The following CDH19 variants were observed in gnomAD, a reference collection of about 807,000 sequenced individuals.
CDH19 encodes the protein cadherin 19.
A neutral mutation model predicts 64.2 loss-of-function variants in CDH19; 67 were observed. The ratio of observed to expected loss-of-function variants is 1.04; its 90% CI spans 0.86 to 1.28. The LOEUF (loss-of-function observed/expected upper bound fraction) is 1.28, where lower values mean the gene tolerates loss of function less well. CDH19 is among the 50% of genes most tolerant of loss of function. The pLI, the probability that CDH19 is intolerant of heterozygous loss-of-function variation, is 0.00. For synonymous variants in CDH19, 346 were observed against 319.3 expected (o/e 1.08, Z -0.89); for missense variants, 1,030 against 929.0 (o/e 1.11, Z -1.41).
At chr18:66,603,255 C>A (rs1989081497) in intron 1 of CDH19, among the ~76,000 whole-genome samples, 1 of 150,520 alleles carries the variant, frequency 6.6e-6, no homozygotes, top group Admixed American at 6.6e-5. Context: ...ATTGCATGTA[C>A]CAAATTAGAA....
intron 9 of CDH19, among the ~76,000 whole-genome samples, chr18:66,524,520 A>G (rs1474084223): frequency 7.3e-6 from 1 of 136,840 alleles, no homozygotes; most frequent in Non-Finnish European, 1.6e-5. Context: ...CCATTTCACA[A>G]TATATGCGTG....
chr18:66,504,821 T>C lies in CDH19; in HGVS notation c.2310A>G (p.Ser770=), dbSNP rs1363120066. ...TTGATGGTAAAAAGCCCTAATTATT[T>C]GACTGCACTGCAGAACCAAACATGC... ...LACMFGSAVQ[S]NN Residue 770 remains serine (S), a synonymous_variant, in exon 12 of 12, where the codon TCA becomes TCG. Transcript: ENST00000262150. 1.6e-5 allele frequency: 26 copies of C among 1,594,688 alleles called. No homozygotes were observed. Among genetic ancestry groups the C allele is most frequent in the Non-Finnish European group, 2.1e-5 (25 of 1,166,150 alleles).
intron 9 of CDH19, among the ~76,000 whole-genome samples, chr18:66,516,081 G>C (rs1010699246): frequency 1.3e-5 from 2 of 152,044 alleles, no homozygotes; most frequent in Admixed American, 6.6e-5. Flanking sequence ...CCTTGTATCT[G>C]TGCTGAAATT....
chr18:66,593,860 T>C (rs908266200), intron 1 of CDH19, among the ~76,000 whole-genome samples: 6 of 152,070 alleles, frequency 3.9e-5, no homozygotes, highest in Non-Finnish European at 8.8e-5. Flanking sequence ...CAATTCAAAG[T>C]AGTCTTTCAA....
At chr18:66,601,537 T>C (rs963124579) in intron 1 of CDH19, among the ~76,000 whole-genome samples, 5 of 151,992 alleles carry the variant, frequency 3.3e-5, no homozygotes, top group Middle Eastern at 3.2e-3. Context: ...AAATTTCACG[T>C]GTTGTGCCAA....
At chr18:66,511,907 C>G (rs1174236110) in intron 9 of CDH19, among the ~76,000 whole-genome samples, 1 of 151,532 alleles carries the variant, frequency 6.6e-6, no homozygotes, top group African/African-American at 2.4e-5. Context: ...ACATAATAAA[C>G]AAACTCTTGT....
intron 8 of CDH19, among the ~76,000 whole-genome samples, chr18:66,533,337 C>T (rs1986531017): frequency 6.6e-6 from 1 of 151,644 alleles, no homozygotes; most frequent in Admixed American, 6.6e-5. Flanking sequence ...ATTAATGGAA[C>T]ATTTAAAAAT....
chr18:66,566,879 C>T (rs909270735), intron 3 of CDH19, among the ~76,000 whole-genome samples: 2 of 151,770 alleles, frequency 1.3e-5, no homozygotes, highest in Non-Finnish European at 2.9e-5. Flanking sequence ...CATTGCCATG[C>T]CTGACATACG....
intron 1 of CDH19, among the ~76,000 whole-genome samples, chr18:66,602,607 C>A (rs1228534085): frequency 2.0e-5 from 3 of 151,592 alleles, no homozygotes; most frequent in Non-Finnish European, 4.4e-5. Flanking sequence ...TTCACTGGAG[C>A]CTAAGTAAAG....
intron 10 of CDH19, among the ~76,000 whole-genome samples, chr18:66,511,287 G>C (rs1985468105): frequency 6.6e-6 from 1 of 151,656 alleles, no homozygotes; most frequent in Non-Finnish European, 1.5e-5. Flanking sequence ...TGTCAGAACT[G>C]CAATTATATT....
At chr18:66,542,159 T>C (rs1986912099) in intron 7 of CDH19, among the ~76,000 whole-genome samples, 1 of 152,202 alleles carries the variant, frequency 6.6e-6, no homozygotes, top group African/African-American at 2.4e-5. Flanking sequence ...ACAGATACAT[T>C]TTTTAAAGTA....
At chr18:66,515,127 T>C (rs531248899) in intron 9 of CDH19, among the ~76,000 whole-genome samples, 1 of 151,796 alleles carries the variant, frequency 6.6e-6, no homozygotes, top group South Asian at 2.1e-4. Context: ...TGCTTCTCAA[T>C]AGAAAAATGT....
In CDH19 at chr18:66,504,881, A is replaced by C; in HGVS notation, c.2250T>G (p.Leu750=). The C allele has an allele frequency of 6.2e-7, 1 of 1,613,322 alleles. No individual in the cohort carries two copies. Among genetic ancestry groups the C allele is most frequent in the African/African-American group, 1.3e-5 (1 of 75,000 alleles). ...TTTTAAAGCGAGGTCCCAACTCATT[A>C]AGGTAATCATAGCTTTCATCCTGAT... is the stretch of plus-strand genomic sequence containing the variant. ...VSDQDESYDY[L]NELGPRFKRL... The change falls in exon 12 of 12, where the codon CTT becomes CTG. Residue 750 remains leucine (L), a synonymous_variant. Coordinates refer to ENST00000262150, the MANE Select transcript of CDH19 (RefSeq NM_021153.4).
At chr18:66,506,361 T>C (rs1985197384) in intron 11 of CDH19, among the ~76,000 whole-genome samples, 1 of 151,988 alleles carries the variant, frequency 6.6e-6, no homozygotes, top group South Asian at 2.1e-4. Context: ...GTCACAAATA[T>C]GCTAATTATG....
At chr18:66,561,503 T>C (rs898433977) in intron 3 of CDH19, among the ~76,000 whole-genome samples, 1 of 152,128 alleles carries the variant, frequency 6.6e-6, no homozygotes, top group Non-Finnish European at 1.5e-5. Flanking sequence ...ATTGGGTAAC[T>C]ACCAAATGAT....
Position 66,502,602 on chromosome 18 carries a change from C to G in CDH19, c.*2210G>C, listed in dbSNP as rs537274961. On this transcript the variant is annotated 3_prime_UTR_variant, in exon 12 of 12. Coordinates refer to ENST00000262150, the MANE Select transcript of CDH19 (RefSeq NM_021153.4). ...TAGCATTCTTTTTAAATAAAGGAAACAACACTTCATGGAATAATTCATGAA... is the reference window on the plus strand; with the variant it reads ...TAGCATTCTTTTTAAATAAAGGAAAGAACACTTCATGGAATAATTCATGAA... 1 of 151,824 alleles carries G rather than the reference C, an allele frequency of 6.6e-6. No individual in the cohort carries two copies. Among genetic ancestry groups the G allele is most frequent in the Non-Finnish European group, 1.5e-5 (1 of 67,886 alleles). The allele number at this position is 151,824 out of a possible 1,614,324, so 9.4% of individuals were successfully genotyped here. A position where few individuals can be genotyped will look rare whatever the true frequency, so the allele number is the denominator to read the frequency against.
At chr18:66,564,527 A>G (rs561090059) in intron 3 of CDH19, among the ~76,000 whole-genome samples, 3 of 151,940 alleles carry the variant, frequency 2.0e-5, no homozygotes, top group South Asian at 2.1e-4. Context: ...AGCTCCAAAG[A>G]GAGTGGATAG....
chr18:66,596,828 G>A (rs973130049), intron 1 of CDH19, among the ~76,000 whole-genome samples: 6 of 151,706 alleles, frequency 4.0e-5, no homozygotes, highest in African/African-American at 7.2e-5. Context: ...CACGCCTGTA[G>A]TCCCAGCACT....
At chr18:66,524,299 C>A (rs1411570036) in intron 9 of CDH19, among the ~76,000 whole-genome samples, 1 of 151,638 alleles carries the variant, frequency 6.6e-6, no homozygotes, top group East Asian at 1.9e-4. Context: ...AAGCCTGGTC[C>A]TTTTTAAAGA....
Sources: gnomAD v4.1 joint callset for allele counts (sites outside exome capture counted in the v4.1 genomes callset) on GRCh38, gnomAD v4.1.1 for gene constraint, MANE v1.5 for transcripts, NCBI Gene and HGNC (gene_info 2026-07-23, HGNC 2026-07-21) for gene names.